The following PPP6R3 variants were observed in gnomAD, a reference collection of about 807,000 sequenced individuals.
PPP6R3 encodes serine/threonine-protein phosphatase 6 regulatory subunit 3.
In PPP6R3, 38 loss-of-function variants were observed where a neutral mutation model predicts 110.7. The observed-to-expected ratio is 0.34, with a 90% CI of 0.26 to 0.45. The LOEUF (loss-of-function observed/expected upper bound fraction) is 0.45, where lower values mean the gene tolerates loss of function less well. PPP6R3 is among the 20% of genes least tolerant of loss of function. The pLI is 1.00. For missense variants in PPP6R3, 870 were observed against 1,062.4 expected (o/e 0.82, Z 2.52); for synonymous variants, 369 against 373.5 (o/e 0.99, Z 0.14).
chr11:68,553,448 C>T (rs2099388602), intron 6 of PPP6R3, among the ~76,000 whole-genome samples: 1 of 152,002 alleles, frequency 6.6e-6, no homozygotes, highest in South Asian at 2.1e-4. Flanking sequence ...CATGCGCCAC[C>T]ACGCCTGGCT....
chr11:68,485,590 A>G (rs547270997), intron 1 of PPP6R3, among the ~76,000 whole-genome samples: 4 of 152,216 alleles, frequency 2.6e-5, no homozygotes, highest in Admixed American at 6.5e-5. Context: ...TTTTGAAATG[A>G]ACAGGTGTTG....
At chr11:68,461,082 G>A (rs1194523890) in intron 1 of PPP6R3, among the ~76,000 whole-genome samples, 3 of 151,490 alleles carry the variant, frequency 2.0e-5, no homozygotes, top group African/African-American at 7.3e-5. Flanking sequence ...GACGCGGTCG[G>A]GGCGGCGACT....
rs199668932 is a variant in PPP6R3 at position 68,477,239 on chromosome 11, T to TG, written c.-158+16417dup. Among the ~76,000 whole-genome samples the TG allele has an allele frequency of 7.8e-3, 1,179 of 151,298 alleles. 17 individuals are homozygous for TG. Among genetic ancestry groups the TG allele is most frequent in the African/African-American group, 0.027 (1,117 of 41,172 alleles). ...TTTTTCTGCTTGTTCTGTTAGTTGG[T>TG]GGGGGATGGGGGTGGGTGTTAGAAT... On this transcript the variant is annotated intron_variant, in intron 1 of 23. Coordinates refer to ENST00000393800, the MANE Select transcript of PPP6R3 (RefSeq NM_001164161.2).
chr11:68,576,686 T>G (rs1488767542), intron 14 of PPP6R3, among the ~76,000 whole-genome samples: 3 of 152,232 alleles, frequency 2.0e-5, no homozygotes, highest in Non-Finnish European at 4.4e-5. Flanking sequence ...AAGCATTTCC[T>G]TTTACAAGTA....
intron 1 of PPP6R3, among the ~76,000 whole-genome samples, chr11:68,516,401 G>T (rs946996773): frequency 6.6e-6 from 1 of 151,952 alleles, no homozygotes; most frequent in African/African-American, 2.4e-5. Context: ...TTACCTTTAG[G>T]ATATATGTAT....
intron 10 of PPP6R3, among the ~76,000 whole-genome samples, chr11:68,568,570 A>G (rs1593286064): frequency 6.6e-6 from 1 of 152,130 alleles, no homozygotes; most frequent in Non-Finnish European, 1.5e-5. Flanking sequence ...TTGTACTTCC[A>G]GGAGATTCAC....
chr11:68,576,133 C>A, intron 14 of PPP6R3, 90 bp downstream of exon 14: 1 of 929,886 alleles, frequency 1.1e-6, no homozygotes, highest in Non-Finnish European at 1.6e-6. Context: ...TTCCATTTAC[C>A]TCAGTAACTG....
At chr11:68,484,683 G>C (rs959418852) in intron 1 of PPP6R3, among the ~76,000 whole-genome samples, 20 of 152,090 alleles carry the variant, frequency 1.3e-4, no homozygotes, top group African/African-American at 4.8e-4. Flanking sequence ...TGCCTCCTGA[G>C]TTCAAGTGAT....
chr11:68,554,162 A>C lies in PPP6R3; in HGVS notation c.636A>C (p.Ser212=), dbSNP rs539243549. The change falls in exon 7 of 24, where the codon TCA becomes TCC. Residue 212 remains serine, a synonymous_variant. Transcript: ENST00000393800. ...SQEEDRHSNA[S]QSLCEIVRLS... ...TCCTTTAGCGACATTCAAATGCATCACAATCACTTTGTGAAATTGTTCGCC... is the reference window on the plus strand; with the variant it reads ...TCCTTTAGCGACATTCAAATGCATCCCAATCACTTTGTGAAATTGTTCGCC... 3.2e-5 allele frequency: 52 copies of C among 1,612,788 alleles called. No individual in the cohort carries two copies. In the East Asian group the frequency reaches 1.1e-3, roughly 35 times the overall value.
At chr11:68,517,279 G>A (rs1431067428) in intron 1 of PPP6R3, among the ~76,000 whole-genome samples, 1 of 151,978 alleles carries the variant, frequency 6.6e-6, no homozygotes, top group Non-Finnish European at 1.5e-5. Context: ...GAGGTGTCTG[G>A]TAATCCTTGG....
At chr11:68,471,439 G>A (rs887362122) in intron 1 of PPP6R3, among the ~76,000 whole-genome samples, 2 of 152,126 alleles carry the variant, frequency 1.3e-5, no homozygotes, top group African/African-American at 2.4e-5. Context: ...GTGTTGTCAC[G>A]GAGGATGGAG....
intron 1 of PPP6R3, among the ~76,000 whole-genome samples, chr11:68,493,244 G>A (rs921986349): frequency 1.3e-5 from 2 of 152,018 alleles, no homozygotes; most frequent in South Asian, 2.1e-4. Flanking sequence ...GCTTACATAT[G>A]GGAAGGATAA....
intron 8 of PPP6R3, 134 bp downstream of exon 8, chr11:68,558,813 C>T (rs1340933287): frequency 4.6e-6 from 3 of 651,974 alleles, no homozygotes; most frequent in East Asian, 6.0e-5. Context: ...GCTATATAAA[C>T]CATAGCCTAA....
At chr11:68,506,135 C>G (rs1317534902) in intron 1 of PPP6R3, among the ~76,000 whole-genome samples, 2 of 140,484 alleles carry the variant, frequency 1.4e-5, no homozygotes, top group Admixed American at 7.0e-5. Context: ...CTTTTAATTG[C>G]AAAAACCACA....
intron 1 of PPP6R3, among the ~76,000 whole-genome samples, chr11:68,498,866 G>A (rs2099033156): frequency 1.3e-5 from 2 of 152,194 alleles, no homozygotes; most frequent in South Asian, 2.1e-4. Flanking sequence ...AGGGCATAGA[G>A]GTATATGTAT....
chr11:68,552,982 A>G (rs754017554), intron 6 of PPP6R3, among the ~76,000 whole-genome samples: 24 of 152,246 alleles, frequency 1.6e-4, no homozygotes, highest in Admixed American at 4.6e-4. Context: ...TCTGTTTTGT[A>G]TTAAGTGATG....
chr11:68,614,207 A>T lies in PPP6R3; in HGVS notation c.*1090A>T. Reference sequence around the variant, plus strand: ...GTACCTTGTGAGGTTTTCACTCATAAATTTAAACCAGTGTATTTTTTTAGA... The same window carrying T: ...GTACCTTGTGAGGTTTTCACTCATATATTTAAACCAGTGTATTTTTTTAGA... On this transcript the variant is annotated 3_prime_UTR_variant, in exon 24 of 24. Coordinates refer to ENST00000393800, the MANE Select transcript of PPP6R3 (RefSeq NM_001164161.2). 1 of 988,416 alleles carries T rather than the reference A, an allele frequency of 1.0e-6. No homozygotes were observed. Among genetic ancestry groups the T allele is most frequent in the Non-Finnish European group, 1.2e-6 (1 of 831,782 alleles). The allele number at this position is 988,416 out of a possible 1,614,324, so 61.2% of individuals were successfully genotyped here.
intron 7 of PPP6R3, among the ~76,000 whole-genome samples, chr11:68,556,152 A>G (rs898970061): frequency 6.6e-6 from 1 of 152,198 alleles, no homozygotes; most frequent in Non-Finnish European, 1.5e-5. Flanking sequence ...GCCGAGCTCT[A>G]TATTATGATG....
At chr11:68,609,516 A>C (rs926426421) in intron 22 of PPP6R3, 1 of 1,352,660 alleles carries the variant, frequency 7.4e-7, no homozygotes, top group Non-Finnish European at 1.0e-6. Flanking sequence ...GCTTACGTGC[A>C]GTCGTGGACA....
Sources: gnomAD v4.1 joint callset for allele counts (sites outside exome capture counted in the v4.1 genomes callset) on GRCh38, gnomAD v4.1.1 for gene constraint, MANE v1.5 for transcripts, NCBI Gene and HGNC (gene_info 2026-07-23, HGNC 2026-07-21) for gene names.